The following DPP10 variants were observed in gnomAD, a reference collection of about 807,000 sequenced individuals.
DPP10 encodes the protein dipeptidyl peptidase like 10, also known as inactive dipeptidyl peptidase 10.
In DPP10, 33 loss-of-function variants were observed where a neutral mutation model predicts 120.9. That is an observed-to-expected ratio of 0.27 (90% CI 0.21 to 0.37). The LOEUF is 0.37. Among genes scored for constraint, DPP10 ranks in the 10% least tolerant of loss-of-function variants. The pLI is 1.00. For synonymous variants in DPP10, 337 were observed against 326.1 expected (o/e 1.03, Z -0.36); for missense variants, 816 against 942.8 (o/e 0.87, Z 1.76).
At chr2:115,156,073 A>G (rs2051888774) in intron 1 of DPP10, among the ~76,000 whole-genome samples, 1 of 152,266 alleles carries the variant, frequency 6.6e-6, no homozygotes, top group Non-Finnish European at 1.5e-5. Context: ...AGACAGATGA[A>G]TATAACAAGG....
chr2:115,074,998 G>T (rs1707668629), intron 1 of DPP10, among the ~76,000 whole-genome samples: 1 of 152,178 alleles, frequency 6.6e-6, no homozygotes. Context: ...TGAAATGTCG[G>T]ATAAGCAGCA....
At chr2:114,814,687 T>G (rs1685475876) in intron 1 of DPP10, among the ~76,000 whole-genome samples, 1 of 152,028 alleles carries the variant, frequency 6.6e-6, no homozygotes, top group Non-Finnish European at 1.5e-5. Context: ...ATCTCTTATT[T>G]TAGAAAAAAA....
rs1010030972 is a variant in DPP10, at chr2:115,525,811, A to G, written c.367-87A>G. 1.5e-5 allele frequency: 14 copies of G among 946,404 alleles called. No individual in the cohort carries two copies. In the African/African-American group the frequency reaches 1.8e-4, roughly 12 times the overall value. 58.6% of individuals were successfully genotyped at this position (946,404 alleles called of 1,614,324 possible). ...AATGAGAATGCCATTTTATAGTGCT[A>G]TGAAAATTGATTTTTTTTTACATTT... On this transcript the variant is annotated intron_variant, in intron 4 of 25. Coordinates refer to ENST00000410059, the MANE Select transcript of DPP10 (RefSeq NM_020868.6).
chr2:114,608,991 C>A (rs533518412), intron 1 of DPP10, among the ~76,000 whole-genome samples: 2 of 151,688 alleles, frequency 1.3e-5, no homozygotes, highest in South Asian at 4.2e-4. Flanking sequence ...CACAGCATCA[C>A]GCAATATACT....
chr2:115,319,898 A>C (rs556080553), intron 2 of DPP10, among the ~76,000 whole-genome samples: 1 of 152,162 alleles, frequency 6.6e-6, no homozygotes, highest in Non-Finnish European at 1.5e-5. Context: ...CTTCCCTTCA[A>C]TCCTAAGCTC....
At position 115,519,430 on chromosome 2, in the gene DPP10, G is replaced by T. The variant is rs555068811; in HGVS notation, c.367-6468G>T. 3.3e-5 allele frequency among the ~76,000 whole-genome samples: 5 copies of T among 152,138 alleles called. 1 individual carries two copies. In the South Asian group the frequency reaches 1.0e-3, roughly 32 times the overall value. On this transcript the variant is annotated intron_variant, in intron 4 of 25. Coordinates refer to ENST00000410059, the MANE Select transcript of DPP10 (RefSeq NM_020868.6). ...ATGGTAACAAGAAAATATATATATA[G>T]AGAGAGCATCTATTATGTTTACAAA...
At chr2:115,705,403 G>GCA (rs568941110) in intron 7 of DPP10, among the ~76,000 whole-genome samples, 10 of 151,714 alleles carry the variant, frequency 6.6e-5, no homozygotes, top group African/African-American at 2.4e-4. Context: ...GTGTTTGTAT[G>GCA]CACACACACA....
chr2:115,280,551 A>G (rs577081142), intron 1 of DPP10, among the ~76,000 whole-genome samples: 6 of 152,346 alleles, frequency 3.9e-5, no homozygotes, highest in East Asian at 3.9e-4. Context: ...TAGTCATCCA[A>G]TAGTTTGCAG....
intron 1 of DPP10, among the ~76,000 whole-genome samples, chr2:114,887,987 C>CA (rs1298940112): frequency 2.0e-5 from 3 of 151,456 alleles, no homozygotes; most frequent in African/African-American, 7.3e-5. Flanking sequence ...ACTAAAAATA[C>CA]AAAAAATTAG....
chr2:114,866,217 T>C (rs1690222507), intron 1 of DPP10, among the ~76,000 whole-genome samples: 1 of 152,044 alleles, frequency 6.6e-6, no homozygotes, highest in Middle Eastern at 3.2e-3. Context: ...TGATCATTTA[T>C]TTCATCCTAC....
intron 1 of DPP10, among the ~76,000 whole-genome samples, chr2:115,138,035 T>A (rs1197715393): frequency 6.6e-6 from 1 of 152,148 alleles, no homozygotes; most frequent in Non-Finnish European, 1.5e-5. Context: ...TGCATAACAC[T>A]GTATTAAGAT....
rs534975454 is a variant in DPP10 at position 115,287,250 on chromosome 2, GAT to G, written c.61-21986_61-21985del. ...GAAAAGTAATAGTCGAGTCATTTGAGATATGTGCATTTTACTCTGTCAGTTTT... is the reference window on the plus strand; with the variant it reads ...GAAAAGTAATAGTCGAGTCATTTGAGATGTGCATTTTACTCTGTCAGTTTT... On this transcript the variant is annotated intron_variant, in intron 1 of 25. Coordinates refer to ENST00000410059, the MANE Select transcript of DPP10 (RefSeq NM_020868.6). Among the ~76,000 whole-genome samples the G allele has an allele frequency of 3.1e-4, 47 of 152,150 alleles. 1 individual carries two copies. In the South Asian group the frequency reaches 8.5e-3, roughly 28 times the overall value.
At chr2:114,982,653 T>C (rs1375604772) in intron 1 of DPP10, among the ~76,000 whole-genome samples, 1 of 151,936 alleles carries the variant, frequency 6.6e-6, no homozygotes, top group Non-Finnish European at 1.5e-5. Context: ...CAGGCTGGAG[T>C]TCACTGGTGC....
At chr2:115,784,572 T>TGCCCAG (rs1683123138) in intron 17 of DPP10, among the ~76,000 whole-genome samples, 1 of 152,202 alleles carries the variant, frequency 6.6e-6, no homozygotes, top group African/African-American at 2.4e-5. Flanking sequence ...TCACTCTTGT[T>TGCCCAG]GCCCAGGCTG....
chr2:115,443,735 A>G (rs1437211479), intron 3 of DPP10, among the ~76,000 whole-genome samples: 1 of 152,104 alleles, frequency 6.6e-6, no homozygotes, highest in East Asian at 1.9e-4. Flanking sequence ...AATACTGGGG[A>G]TGGAACTCAG....
At chr2:115,133,612 T>G (rs1047570272) in intron 1 of DPP10, among the ~76,000 whole-genome samples, 2 of 152,158 alleles carry the variant, frequency 1.3e-5, no homozygotes, top group Non-Finnish European at 2.9e-5. Flanking sequence ...TGAGGAATGC[T>G]GCTCTGAGAA....
intron 5 of DPP10, among the ~76,000 whole-genome samples, chr2:115,534,879 T>C (rs2078708590): frequency 6.6e-6 from 1 of 152,116 alleles, no homozygotes; most frequent in South Asian, 2.1e-4. Context: ...TGAGCGTTTT[T>C]TCATGTGTTT....
At chr2:115,400,492 AT>A (rs1488459164) in intron 3 of DPP10, among the ~76,000 whole-genome samples, 1 of 151,552 alleles carries the variant, frequency 6.6e-6, no homozygotes, top group African/African-American at 2.4e-5. Flanking sequence ...AAAAAAAAAA[AT>A]CTTCAGTTCA....
chr2:114,574,737 CAGCA>C (rs1689926276), intron 1 of DPP10, among the ~76,000 whole-genome samples: 1 of 152,168 alleles, frequency 6.6e-6, no homozygotes, highest in Non-Finnish European at 1.5e-5. Context: ...CTAGATTATA[CAGCA>C]AGCATTATGT....
Sources: allele counts gnomAD v4.1 joint callset (sites outside exome capture counted in the v4.1 genomes callset), GRCh38; gene constraint gnomAD v4.1.1; transcripts MANE v1.5; gene names NCBI Gene and HGNC (gene_info 2026-07-23, HGNC 2026-07-21).